ACTL6A: variants seen among roughly 807,000 people sequenced by gnomAD.
ACTL6A encodes the protein actin-like protein 6A.
ACTL6A carries 5 observed loss-of-function variants against 59.2 expected under a neutral mutation model. The ratio of observed to expected loss-of-function variants is 0.08; its 90% CI spans 0.04 to 0.18. The LOEUF is 0.18. Ranked by LOEUF, ACTL6A falls within the 10% of genes least tolerant of loss-of-function variation. The pLI is 1.00. For missense variants in ACTL6A, 285 were observed against 526.9 expected (o/e 0.54, Z 4.49); for synonymous variants, 154 against 171.8 (o/e 0.90, Z 0.81).
intron 6 of ACTL6A, 59 bp from the exon 7 acceptor site, chr3:179,576,561 A>G (rs1718171625): frequency 1.5e-6 from 2 of 1,323,634 alleles, no homozygotes; most frequent in Non-Finnish European, 2.2e-6. Context: ...CACAGAGGAA[A>G]TTCGTTCAAG....
chr3:179,579,382 A>G (rs905949675), intron 8 of ACTL6A, among the ~76,000 whole-genome samples: 1 of 152,120 alleles, frequency 6.6e-6, no homozygotes. Flanking sequence ...GAGTAAAATT[A>G]TATGAGTCAT....
intron 3 of ACTL6A, among the ~76,000 whole-genome samples, chr3:179,572,252 G>A (rs1718029992): frequency 6.6e-6 from 1 of 151,258 alleles, no homozygotes; most frequent in Non-Finnish European, 1.5e-5. Flanking sequence ...AAAAAGCAGG[G>A]GAAGAACAAG....
In ACTL6A at chr3:179,586,546, A is replaced by G; in HGVS notation, c.1123A>G (p.Ser375Gly). The G allele has an allele frequency of 6.3e-7, 1 of 1,576,758 alleles. No homozygotes were observed. The highest frequency in any genetic ancestry group is 8.6e-7 in the Non-Finnish European group (1 of 1,167,484). ...ACTAATGCATATTCTTCTATTTCAGAGTATGCGGTTGAAATTGATTGCAAA... is the reference window on the plus strand; with the variant it reads ...ACTAATGCATATTCTTCTATTTCAGGGTATGCGGTTGAAATTGATTGCAAA... Reference protein sequence around the residue: ...NRELSQKTPPSMRLKLIANNT... With the variant: ...NRELSQKTPPGMRLKLIANNT... Residue 375 changes from serine (S) to glycine (G), a missense_variant and splice_region_variant, in exon 13 of 14, where the codon AGT (serine) becomes GGT (glycine). Ser to Gly is a moderately conservative substitution (Grantham distance 56). Coordinates refer to ENST00000429709, the MANE Select transcript of ACTL6A (RefSeq NM_004301.5).
At position 179,562,943 on chromosome 3, in the gene ACTL6A, G is replaced by A; in HGVS notation, c.-150G>A. On this transcript the variant is annotated 5_prime_UTR_variant, in exon 1 of 14. Coordinates refer to ENST00000429709, the MANE Select transcript of ACTL6A (RefSeq NM_004301.5). Reference sequence around the variant, plus strand: ...GAGCCAGCAAGTGTGGCTGAGCTCCGGGGTGTGTGGACGCCGCTTTGTTGC... The same window carrying A: ...GAGCCAGCAAGTGTGGCTGAGCTCCAGGGTGTGTGGACGCCGCTTTGTTGC... 4.1e-6 allele frequency: 4 copies of A among 970,342 alleles called. No homozygotes were observed. The highest frequency in any genetic ancestry group is 6.3e-6 in the Non-Finnish European group (4 of 630,202). 60.1% of individuals were successfully genotyped at this position (970,342 alleles called of 1,614,324 possible). A position where few individuals can be genotyped will look rare whatever the true frequency, so the allele number is the denominator to read the frequency against.
chr3:179,575,493 T>C, intron 5 of ACTL6A: 1 of 454,738 alleles, frequency 2.2e-6, no homozygotes, highest in South Asian at 1.6e-5. Context: ...GTTAAAGGAA[T>C]TTTAGTGCCA....
At chr3:179,574,636 T>C in intron 5 of ACTL6A, 169 bp downstream of exon 5, 1 of 598,206 alleles carries the variant, frequency 1.7e-6, no homozygotes, top group African/African-American at 1.8e-5. Context: ...TTAGAACTGA[T>C]GATACACCAG....
At chr3:179,574,166 ATTAAAT>A (rs1718098106) in intron 4 of ACTL6A, among the ~76,000 whole-genome samples, 198 bp from the exon 5 acceptor site, 1 of 152,170 alleles carries the variant, frequency 6.6e-6, no homozygotes, top group African/African-American at 2.4e-5. Context: ...TGATAGATTT[ATTAAAT>A]TTAATCTACA....
intron 3 of ACTL6A, among the ~76,000 whole-genome samples, chr3:179,572,698 G>A (rs985480182): frequency 1.3e-5 from 2 of 152,052 alleles, no homozygotes; most frequent in African/African-American, 4.8e-5. Flanking sequence ...CCAGCTACTC[G>A]GGAGCCTGAG....
chr3:179,563,301 C>G lies in ACTL6A; in HGVS notation c.25+184C>G, dbSNP rs529119376. The G allele has an allele frequency of 3.9e-6, 4 of 1,022,944 alleles. No individual in the cohort carries two copies. In the African/African-American group the frequency reaches 6.5e-5, roughly 17 times the overall value. 63.4% of individuals were successfully genotyped at this position (1,022,944 alleles called of 1,614,324 possible). Reference sequence around the variant, plus strand: ...CGGAGCCCACCCGGCTCGCCGTGCTCCTCGGGCTCCCTGAAGTGGCGGCTC... The same window carrying G: ...CGGAGCCCACCCGGCTCGCCGTGCTGCTCGGGCTCCCTGAAGTGGCGGCTC... On this transcript the variant is annotated intron_variant, in intron 1 of 13. Transcript: ENST00000429709.
chr3:179,562,969 C>T lies in ACTL6A; in HGVS notation c.-124C>T, dbSNP rs368060674. Reference sequence around the variant, plus strand: ...GGGTGTGTGGACGCCGCTTTGTTGCCTGAGGTGGGTGGCGGTGGAAGTTAA... The same window carrying T: ...GGGTGTGTGGACGCCGCTTTGTTGCTTGAGGTGGGTGGCGGTGGAAGTTAA... On this transcript the variant is annotated 5_prime_UTR_variant, in exon 1 of 14. Coordinates refer to ENST00000429709, the MANE Select transcript of ACTL6A (RefSeq NM_004301.5). 5 of 1,325,972 alleles carry T rather than the reference C, an allele frequency of 3.8e-6. No individual in the cohort carries two copies. The East Asian group carries it at 7.5e-5, about 20-fold the overall frequency. The allele number at this position is 1,325,972 out of a possible 1,614,324, so 82.1% of individuals were successfully genotyped here.
intron 8 of ACTL6A, 144 bp downstream of exon 8, chr3:179,577,057 C>T (rs2292905): frequency 0.085 from 47,852 of 565,302 alleles, 2,326 homozygotes; most frequent in South Asian, 0.14. Context: ...TTACTAAATA[C>T]ATTTTGAAGA....
chr3:179,572,188 GAA>G (rs1718027676), intron 3 of ACTL6A, among the ~76,000 whole-genome samples: 1 of 151,994 alleles, frequency 6.6e-6, no homozygotes, highest in African/African-American at 2.4e-5. Flanking sequence ...AACCAATAGA[GAA>G]TAAAAGGTAC....
chr3:179,585,194 C>T (rs1380128951), intron 12 of ACTL6A, among the ~76,000 whole-genome samples: 1 of 152,196 alleles, frequency 6.6e-6, no homozygotes, highest in Non-Finnish European at 1.5e-5. Flanking sequence ...CCTCCGCCTC[C>T]TGGGTTCAAG....
intron 8 of ACTL6A, among the ~76,000 whole-genome samples, chr3:179,579,613 C>A (rs1334955034): frequency 3.3e-5 from 5 of 152,062 alleles, no homozygotes; most frequent in Admixed American, 1.3e-4. Flanking sequence ...CATGGTGAGA[C>A]CCCATCTCTA....
chr3:179,567,017 A>G (rs1017447491), intron 1 of ACTL6A, among the ~76,000 whole-genome samples: 7 of 152,118 alleles, frequency 4.6e-5, no homozygotes, highest in African/African-American at 1.7e-4. Flanking sequence ...AACATCACTC[A>G]TACTGGATTA....
intron 1 of ACTL6A, among the ~76,000 whole-genome samples, chr3:179,568,847 A>G (rs1030196935): frequency 2.6e-5 from 4 of 152,198 alleles, no homozygotes; most frequent in Admixed American, 6.5e-5. Flanking sequence ...AGCACTTAAC[A>G]TGTTTAATCA....
intron 12 of ACTL6A, chr3:179,583,696 C>T: frequency 3.3e-6 from 1 of 303,180 alleles, no homozygotes; most frequent in Admixed American, 4.8e-5. Context: ...AGTCCCTGCA[C>T]ACCAAGGGCT....
At position 179,576,271 on chromosome 3, in the gene ACTL6A, C is replaced by T. The variant is rs781498873; in HGVS notation, c.531C>T (p.Thr177=). ...TTTTGGACAGTGGAGCCACTCATAC[C>T]ACTGCAATTCCAGTCCACGATGGCT... ...GLILDSGATH[T]TAIPVHDGYV... Residue 177 remains threonine (T), a synonymous_variant, in exon 6 of 14, where the codon ACC becomes ACT. Coordinates refer to ENST00000429709, the MANE Select transcript of ACTL6A (RefSeq NM_004301.5). 6.8e-6 allele frequency: 11 copies of T among 1,609,668 alleles called. No individual in the cohort carries two copies. Among genetic ancestry groups the T allele is most frequent in the Non-Finnish European group, 9.3e-6 (11 of 1,178,926 alleles).
chr3:179,586,361 A>T, intron 12 of ACTL6A, 185 bp from the exon 13 acceptor site: 1 of 447,556 alleles, frequency 2.2e-6, no homozygotes, highest in Non-Finnish European at 3.8e-6. Context: ...CAAGTGGCTC[A>T]TGCATGTAAT....
Sources: gnomAD v4.1 joint callset for allele counts (sites outside exome capture counted in the v4.1 genomes callset) on GRCh38, gnomAD v4.1.1 for gene constraint, MANE v1.5 for transcripts, NCBI Gene and HGNC (gene_info 2026-07-23, HGNC 2026-07-21) for gene names.